Variants in RBPJ observed in about 807,000 individuals in gnomAD.
The protein encoded by RBPJ is recombining binding protein suppressor of hairless.
RBPJ carries 9 observed loss-of-function variants against 67.8 expected under a neutral mutation model. That is an observed-to-expected ratio of 0.13 (90% confidence interval 0.08 to 0.23). The LOEUF is 0.23. Ranked by LOEUF, RBPJ falls within the 10% of genes least tolerant of loss-of-function variation. The probability of loss-of-function intolerance (pLI) is 1.00; values close to 1 mark genes in which losing one functional copy is unlikely to be tolerated. For synonymous variants in RBPJ, 198 were observed against 203.3 expected, an observed-to-expected ratio of 0.97 and a Z score of 0.22; for missense variants, 305 against 595.6, an observed-to-expected ratio of 0.51 and a Z score of 5.08.
intron 1 of RBPJ, among the ~76,000 whole-genome samples, chr4:26,173,793 C>A (rs572065978): frequency 6.6e-6 from 1 of 152,312 alleles, no homozygotes; most frequent in Admixed American, 6.5e-5. Context: ...ACGGGCTGGG[C>A]ACTGGACTAG....
intron 1 of RBPJ, among the ~76,000 whole-genome samples, chr4:26,305,983 A>C (rs1460656280): frequency 6.7e-6 from 1 of 150,274 alleles, no homozygotes; most frequent in African/African-American, 2.5e-5. Flanking sequence ...ATGGGGTTTC[A>C]CCATTTTAGC....
intron 1 of RBPJ, among the ~76,000 whole-genome samples, chr4:26,259,959 T>C (rs541606900): frequency 6.6e-6 from 1 of 152,356 alleles, no homozygotes; most frequent in African/African-American, 2.4e-5. Flanking sequence ...AGTTTGATCT[T>C]TATTCTTGCT....
At chr4:26,357,943 C>T (rs1457898374) in intron 1 of RBPJ, among the ~76,000 whole-genome samples, 1 of 151,756 alleles carries the variant, frequency 6.6e-6, no homozygotes, top group Non-Finnish European at 1.5e-5. Context: ...TATGCATATA[C>T]CACATTTAAA....
intron 1 of RBPJ, among the ~76,000 whole-genome samples, chr4:26,270,441 A>AAAAGAAAGAAAGAAAGAAAGAAAGAAAG (rs1720879265): frequency 2.6e-5 from 3 of 116,312 alleles, no homozygotes; most frequent in African/African-American, 1.0e-4. Flanking sequence ...AAGAAAGAAG[A>AAAAGAAAGAAAGAAAGAAAGAAAGAAAG]AAGAAAGAAA....
chr4:26,357,639 T>G (rs1467367583), intron 1 of RBPJ, among the ~76,000 whole-genome samples: 1 of 152,188 alleles, frequency 6.6e-6, no homozygotes, highest in African/African-American at 2.4e-5. Context: ...AGTAAGTACA[T>G]TCACGGTGCT....
the RBPJ span, among the ~76,000 whole-genome samples, chr4:26,138,770 C>T: frequency 2.0e-4 from 31 of 152,220 alleles, no homozygotes; most frequent in African/African-American, 7.5e-4. Context: ...GTTCCTCATG[C>T]TCCAATCCTG....
chr4:26,220,142 T>G (rs1162248955), intron 1 of RBPJ, among the ~76,000 whole-genome samples: 1 of 152,174 alleles, frequency 6.6e-6, no homozygotes, highest in East Asian at 1.9e-4. Flanking sequence ...GCCACTACTT[T>G]ACACTATGTA....
the RBPJ span, among the ~76,000 whole-genome samples, chr4:26,136,630 GATTACTT>G: frequency 6.6e-6 from 1 of 152,148 alleles, no homozygotes; most frequent in South Asian, 2.1e-4. Flanking sequence ...CAACAATTTA[GATTACTT>G]ACACAGAAAA....
intron 3 of RBPJ, among the ~76,000 whole-genome samples, chr4:26,414,223 G>T (rs1271874812): frequency 6.6e-6 from 1 of 151,730 alleles, no homozygotes; most frequent in African/African-American, 2.4e-5. Flanking sequence ...AAGCTGGAAT[G>T]CAGCTGCACT....
chr4:26,289,353 C>A (rs1721584762), intron 1 of RBPJ, among the ~76,000 whole-genome samples: 1 of 134,332 alleles, frequency 7.4e-6, no homozygotes, highest in South Asian at 2.3e-4. Context: ...CCACTGCACT[C>A]CAGCCTCAGC....
At chr4:26,316,712 C>T (rs924369130), upstream of RBPJ, among the ~76,000 whole-genome samples, 29 of 140,552 alleles carry the variant, frequency 2.1e-4, no homozygotes, top group Non-Finnish European at 3.2e-4. Flanking sequence ...TATATATATA[C>T]ACACACACAC....
At chr4:26,301,880 C>T (rs1457734406) in intron 1 of RBPJ, among the ~76,000 whole-genome samples, 1 of 152,020 alleles carries the variant, frequency 6.6e-6, no homozygotes, top group African/African-American at 2.4e-5. Flanking sequence ...GCAACCTCCA[C>T]TTCCTGGGTT....
chr4:26,327,836 C>A (rs1209140002), intron 1 of RBPJ, among the ~76,000 whole-genome samples: 1 of 151,662 alleles, frequency 6.6e-6, no homozygotes, highest in Non-Finnish European at 1.5e-5. Context: ...CAGAGAAAGA[C>A]CCTGTCTCAA....
At chr4:26,378,448 C>T (rs1001358069) in intron 1 of RBPJ, among the ~76,000 whole-genome samples, 2 of 152,150 alleles carry the variant, frequency 1.3e-5, no homozygotes, top group African/African-American at 4.8e-5. Flanking sequence ...CTTACTTGTG[C>T]TGTCTGGGTA....
chr4:26,142,435 A>G, the RBPJ span, among the ~76,000 whole-genome samples: 1 of 152,144 alleles, frequency 6.6e-6, no homozygotes, highest in Non-Finnish European at 1.5e-5. Flanking sequence ...TTGGGCCTTC[A>G]CTGGGCAGCT....
At chr4:26,210,944 A>G (rs922865982) in intron 1 of RBPJ, among the ~76,000 whole-genome samples, 2 of 151,698 alleles carry the variant, frequency 1.3e-5, no homozygotes, top group African/African-American at 4.9e-5. Flanking sequence ...ATTGTGATTT[A>G]TTTTTCTCCT....
chr4:26,251,093 T>C (rs1263289984), intron 1 of RBPJ, among the ~76,000 whole-genome samples: 1 of 152,178 alleles, frequency 6.6e-6, no homozygotes, highest in Non-Finnish European at 1.5e-5. Flanking sequence ...ATTGTAAGGA[T>C]TGTCTGGATC....
At chr4:26,380,086 T>C (rs934042149) in intron 1 of RBPJ, among the ~76,000 whole-genome samples, 1 of 152,190 alleles carries the variant, frequency 6.6e-6, no homozygotes, top group Non-Finnish European at 1.5e-5. Context: ...GCTGACATAG[T>C]GTCTTATTCT....
At chr4:26,319,709 C>T (rs1331213254), upstream of RBPJ, 3 of 712,136 alleles carry the variant, frequency 4.2e-6, no homozygotes, top group Admixed American at 4.1e-5. Flanking sequence ...GGACTGCCCG[C>T]ATTGGGTACA....
Sources: gnomAD v4.1 joint callset for allele counts (sites outside exome capture counted in the v4.1 genomes callset) on GRCh38, gnomAD v4.1.1 for gene constraint, MANE v1.5 for transcripts, NCBI Gene and HGNC (gene_info 2026-07-23, HGNC 2026-07-21) for gene names.